The following COL25A1 variants were observed in gnomAD, a reference collection of about 807,000 sequenced individuals.
COL25A1 encodes collagen alpha-1(XXV) chain.
A neutral mutation model predicts 128.4 loss-of-function variants in COL25A1; 103 were observed. That is an observed-to-expected ratio of 0.80 (90% CI 0.68 to 0.94). The LOEUF (loss-of-function observed/expected upper bound fraction) is 0.94, where lower values mean the gene tolerates loss of function less well. Among genes scored for constraint, COL25A1 ranks in the 40% least tolerant of loss-of-function variants. The probability of loss-of-function intolerance (pLI) is 0.00; values close to 1 mark genes in which losing one functional copy is unlikely to be tolerated. For synonymous variants in COL25A1, 279 were observed against 277.2 expected (o/e 1.01, Z -0.06); for missense variants, 745 against 840.0 (o/e 0.89, Z 1.40).
intron 3 of COL25A1, among the ~76,000 whole-genome samples, chr4:109,230,734 G>A (rs1245610443): frequency 1.3e-5 from 2 of 152,238 alleles, no homozygotes; most frequent in East Asian, 1.9e-4. Context: ...TTGAATTAGC[G>A]GTACAGAGAA....
intron 3 of COL25A1, among the ~76,000 whole-genome samples, chr4:109,140,969 T>C (rs1578267869): frequency 6.6e-6 from 1 of 152,160 alleles, no homozygotes; most frequent in East Asian, 1.9e-4. Context: ...TCCAATACTA[T>C]GTTGAATAGG....
chr4:108,863,174 GA>G, intron 21 of COL25A1, 144 bp downstream of exon 21: 1 of 774,870 alleles, frequency 1.3e-6, no homozygotes, highest in Non-Finnish European at 2.2e-6. Context: ...AATCTCTTTT[GA>G]AAAGAACCAG....
chr4:108,833,127 T>C (rs1733365723), intron 31 of COL25A1, among the ~76,000 whole-genome samples: 1 of 152,196 alleles, frequency 6.6e-6, no homozygotes, highest in Admixed American at 6.5e-5. Flanking sequence ...CTCTGAACTC[T>C]TGTTTTCAGC....
chr4:108,902,965 A>G (rs1284250157), intron 13 of COL25A1, among the ~76,000 whole-genome samples: 1 of 152,000 alleles, frequency 6.6e-6, no homozygotes, highest in Non-Finnish European at 1.5e-5. Flanking sequence ...CACTAATATC[A>G]TAACTCATGG....
intron 8 of COL25A1, among the ~76,000 whole-genome samples, chr4:108,956,782 T>C (rs1015115665): frequency 1.3e-4 from 20 of 152,200 alleles, no homozygotes; most frequent in African/African-American, 4.8e-4. Context: ...TGAATGTCTG[T>C]TTCTACATCT....
At chr4:109,020,527 T>TA (rs1757635573) in intron 5 of COL25A1, among the ~76,000 whole-genome samples, 3 of 143,390 alleles carry the variant, frequency 2.1e-5, no homozygotes, top group Non-Finnish European at 3.0e-5. Context: ...GGGTTCAACA[T>TA]AAAAAACAAG....
intron 5 of COL25A1, among the ~76,000 whole-genome samples, chr4:109,033,892 ATGG>A (rs1200492303): frequency 6.6e-6 from 1 of 152,152 alleles, no homozygotes; most frequent in East Asian, 1.9e-4. Context: ...TTAATAAATA[ATGG>A]TGAATTATTT....
rs1383703429 is a variant in COL25A1, at chr4:109,254,505, A to ATATG, written c.367+46077_367+46078insCATA. Among the ~76,000 whole-genome samples the ATATG allele has an allele frequency of 2.3e-3, 243 of 105,004 alleles. 10 individuals are homozygous for ATATG. The highest frequency in any genetic ancestry group is 3.6e-3 in the Non-Finnish European group (188 of 51,874). The allele number at this position is 105,004 out of a possible 152,430, so 68.9% of individuals were successfully genotyped here. On this transcript the variant is annotated intron_variant, in intron 3 of 37. Coordinates refer to ENST00000399132, the MANE Select transcript of COL25A1 (RefSeq NM_198721.4). ...TATATATATATATATATATATATATATGTATGTGTGTATATACATATACAT... is the reference window on the plus strand; with the variant it reads ...TATATATATATATATATATATATATATATGTGTATGTGTGTATATACATATACAT...
intron 3 of COL25A1, among the ~76,000 whole-genome samples, chr4:109,224,973 TACATACAA>T (rs1560896206): frequency 6.6e-6 from 1 of 152,056 alleles, no homozygotes; most frequent in African/African-American, 2.4e-5. Context: ...TATACAAGCA[TACATACAA>T]ATACCTGAGT....
At chr4:109,194,104 C>T (rs974920201) in intron 3 of COL25A1, among the ~76,000 whole-genome samples, 1 of 152,122 alleles carries the variant, frequency 6.6e-6, no homozygotes, top group African/African-American at 2.4e-5. Context: ...GGAGGTCTAA[C>T]TTAGACTCTT....
chr4:108,878,551 T>C (rs1339069807), intron 19 of COL25A1, among the ~76,000 whole-genome samples: 1 of 152,146 alleles, frequency 6.6e-6, no homozygotes, highest in Non-Finnish European at 1.5e-5. Context: ...GCAGCCAGTT[T>C]TGGTAATGAT....
intron 3 of COL25A1, among the ~76,000 whole-genome samples, chr4:109,153,359 C>G (rs941651307): frequency 7.8e-6 from 1 of 128,778 alleles, no homozygotes; most frequent in Non-Finnish European, 1.6e-5. Context: ...CCAGCCTGGG[C>G]AACAAGAGTG....
chr4:109,200,384 C>A (rs1776457193), intron 3 of COL25A1, among the ~76,000 whole-genome samples: 1 of 152,106 alleles, frequency 6.6e-6, no homozygotes, highest in South Asian at 2.1e-4. Context: ...ATCACCAAAT[C>A]CATGGCTCTT....
intron 3 of COL25A1, among the ~76,000 whole-genome samples, chr4:109,083,654 G>A (rs192851667): frequency 1.2e-3 from 186 of 151,738 alleles, no homozygotes; most frequent in Non-Finnish European, 2.3e-3. Flanking sequence ...AGTAGAGACG[G>A]GGTTTCACTA....
At chr4:109,016,841 C>T (rs1301191400) in intron 5 of COL25A1, among the ~76,000 whole-genome samples, 1 of 152,246 alleles carries the variant, frequency 6.6e-6, no homozygotes, top group Non-Finnish European at 1.5e-5. Flanking sequence ...TCCTCTCCAT[C>T]CTGCTCATCC....
chr4:108,818,914 AG>A (rs1560695049), intron 36 of COL25A1, among the ~76,000 whole-genome samples: 1 of 151,986 alleles, frequency 6.6e-6, no homozygotes, highest in African/African-American at 2.4e-5. Context: ...GAAAACCAAA[AG>A]TTATGGTCTA....
chr4:108,885,172 C>T (rs751554779), intron 18 of COL25A1, among the ~76,000 whole-genome samples: 2 of 152,302 alleles, frequency 1.3e-5, no homozygotes, highest in Middle Eastern at 3.4e-3. Context: ...ATTAAACTAA[C>T]AGTGAAGTGA....
chr4:109,103,296 ATCAAATCTTGCTAAATG>A (rs1245788739), intron 3 of COL25A1, among the ~76,000 whole-genome samples: 1 of 152,212 alleles, frequency 6.6e-6, no homozygotes, highest in African/African-American at 2.4e-5. Flanking sequence ...AATTTCACAA[ATCAAATCTTGCTAAATG>A]TTAACTCTCT....
At chr4:108,960,897 G>A (rs1394838248) in intron 8 of COL25A1, among the ~76,000 whole-genome samples, 2 of 151,746 alleles carry the variant, frequency 1.3e-5, no homozygotes, top group Non-Finnish European at 2.9e-5. Context: ...ACTTTGCAAA[G>A]AAATATTAAG....
Sources: gnomAD v4.1 joint callset for allele counts (sites outside exome capture counted in the v4.1 genomes callset) on GRCh38, gnomAD v4.1.1 for gene constraint, MANE v1.5 for transcripts, NCBI Gene and HGNC (gene_info 2026-07-23, HGNC 2026-07-21) for gene names.